The following SLC16A12 variants were observed in gnomAD, a reference collection of about 807,000 sequenced individuals.
SLC16A12 encodes the protein solute carrier family 16 member 12, also known as monocarboxylate transporter 12.
In SLC16A12, 17 loss-of-function variants were observed where a neutral mutation model predicts 42.4. That is an observed-to-expected ratio of 0.40 (90% CI 0.27 to 0.60). The LOEUF (loss-of-function observed/expected upper bound fraction) is 0.60. SLC16A12 is among the 20% of genes least tolerant of loss of function. The pLI, the probability that SLC16A12 is intolerant of heterozygous loss-of-function variation, is 0.42. For missense variants in SLC16A12, 544 were observed against 623.0 expected (o/e 0.87, Z 1.35); for synonymous variants, 224 against 229.4 (o/e 0.98, Z 0.21).
At chr10:89,554,036 GAAA>G (rs1843787533) in intron 2 of SLC16A12, among the ~76,000 whole-genome samples, 15 of 43,120 alleles carry the variant, frequency 3.5e-4, no homozygotes, top group African/African-American at 1.2e-3. Flanking sequence ...GAGAAAGGAA[GAAA>G]GAAAGAAAGA....
intron 3 of SLC16A12, among the ~76,000 whole-genome samples, chr10:89,460,703 C>G (rs1317687221): frequency 7.2e-6 from 1 of 138,960 alleles, no homozygotes; most frequent in African/African-American, 2.8e-5. Flanking sequence ...GGAGATCATG[C>G]TATTGCACTC....
chr10:89,540,163 G>A (rs945346098), upstream of SLC16A12, among the ~76,000 whole-genome samples: 1 of 151,296 alleles, frequency 6.6e-6, no homozygotes, highest in Non-Finnish European at 1.5e-5. Flanking sequence ...CAGTGGCATC[G>A]TCACAGTTCA....
chr10:89,465,901 T>C (rs957520625), intron 2 of SLC16A12, among the ~76,000 whole-genome samples: 1 of 152,196 alleles, frequency 6.6e-6, no homozygotes, highest in Non-Finnish European at 1.5e-5. Context: ...AATGTTTCCC[T>C]GTTCTTAAGA....
intron 2 of SLC16A12, among the ~76,000 whole-genome samples, chr10:89,486,557 A>T (rs1434110219): frequency 2.1e-5 from 3 of 145,460 alleles, no homozygotes; most frequent in Admixed American, 7.0e-5. Context: ...AAGCCACTGT[A>T]CTCCAGCCTA....
In SLC16A12 at chr10:89,432,434, C is replaced by A. The variant is rs1267716894; in HGVS notation, c.*630G>T. 6.6e-6 allele frequency: 1 copy of A among 152,126 alleles called. No homozygotes were observed. Among genetic ancestry groups the A allele is most frequent in the African/African-American group, 2.4e-5 (1 of 41,328 alleles). 9.4% of individuals were successfully genotyped at this position (152,126 alleles called of 1,614,324 possible). A position where few individuals can be genotyped will look rare whatever the true frequency, so the allele number is the denominator to read the frequency against. On this transcript the variant is annotated 3_prime_UTR_variant, in exon 8 of 8. Coordinates refer to ENST00000371790, the MANE Select transcript of SLC16A12 (RefSeq NM_213606.4). ...ATTTGGATTCTCATAGTGGTGTCTA[C>A]CCTTGGGCAGAGGCAAGGGCTGGCT... is the stretch of plus-strand genomic sequence containing the variant.
At chr10:89,455,665 AT>A (rs1842177507) in intron 3 of SLC16A12, among the ~76,000 whole-genome samples, 1 of 152,170 alleles carries the variant, frequency 6.6e-6, no homozygotes, top group Non-Finnish European at 1.5e-5. Context: ...TATTGGGAGC[AT>A]GTGTGCATCT....
chr10:89,550,015 G>C (rs972660987), intron 2 of SLC16A12, among the ~76,000 whole-genome samples: 4 of 152,028 alleles, frequency 2.6e-5, no homozygotes, highest in African/African-American at 9.7e-5. Flanking sequence ...CAAAAATCTA[G>C]GAGTCATCAC....
chr10:89,443,655 C>T, intron 4 of SLC16A12, 101 bp downstream of exon 4: 2 of 875,826 alleles, frequency 2.3e-6, no homozygotes, highest in Admixed American at 1.9e-5. Context: ...TAATGTAGCC[C>T]TTCTACTTAG....
rs562339516 is a variant in SLC16A12 at position 89,469,695 on chromosome 10, G to A, written c.-46-7071C>T. Among the ~76,000 whole-genome samples, 5 of 152,290 alleles carry A rather than the reference G, an allele frequency of 3.3e-5. No homozygotes were observed. In the South Asian group the frequency reaches 8.3e-4, roughly 25 times the overall value. On this transcript the variant is annotated intron_variant, in intron 2 of 7. Coordinates refer to ENST00000371790, the MANE Select transcript of SLC16A12 (RefSeq NM_213606.4). The stretch of plus-strand genomic sequence containing the variant: ...AGAGTATGATGGAAAAATACCAAGG[G>A]TGGGCATTTGGGCTGAGTCCCAGTG...
chr10:89,505,607 G>A (rs1030277007), intron 2 of SLC16A12, among the ~76,000 whole-genome samples: 3 of 152,170 alleles, frequency 2.0e-5, no homozygotes, highest in Non-Finnish European at 4.4e-5. Context: ...AGGGTGAGCC[G>A]AAGCAGAGTG....
chr10:89,555,579 G>GTA (rs1352207325), intron 2 of SLC16A12, among the ~76,000 whole-genome samples: 1 of 98,376 alleles, frequency 1.0e-5, no homozygotes, highest in Non-Finnish European at 2.1e-5. Context: ...ATATGTATAT[G>GTA]TATATATGTA....
chr10:89,495,296 G>T (rs1842908628), intron 2 of SLC16A12, among the ~76,000 whole-genome samples: 1 of 152,090 alleles, frequency 6.6e-6, no homozygotes, highest in African/African-American at 2.4e-5. Flanking sequence ...GGAGGTTGCA[G>T]TAAGCCGAGA....
chr10:89,458,801 T>C (rs1441018678), intron 3 of SLC16A12, among the ~76,000 whole-genome samples: 1 of 152,198 alleles, frequency 6.6e-6, no homozygotes, highest in Non-Finnish European at 1.5e-5. Context: ...TTTCAAAGCA[T>C]AGAAAGAATC....
At chr10:89,523,670 A>T (rs1273968821) in intron 2 of SLC16A12, among the ~76,000 whole-genome samples, 1 of 152,180 alleles carries the variant, frequency 6.6e-6, no homozygotes, top group Non-Finnish European at 1.5e-5. Flanking sequence ...TTCAACAAGC[A>T]TATTAAACTC....
chr10:89,490,219 T>G (rs777051690), intron 2 of SLC16A12, among the ~76,000 whole-genome samples: 41 of 152,336 alleles, frequency 2.7e-4, no homozygotes, highest in Middle Eastern at 3.4e-3. Flanking sequence ...TGCAATCAAA[T>G]CTCAGAACTT....
At chr10:89,467,671 A>G (rs944341456) in intron 2 of SLC16A12, among the ~76,000 whole-genome samples, 1 of 152,222 alleles carries the variant, frequency 6.6e-6, no homozygotes, top group African/African-American at 2.4e-5. Flanking sequence ...ATTGTCACAA[A>G]GAGTAGGAAG....
intron 2 of SLC16A12, among the ~76,000 whole-genome samples, chr10:89,474,647 T>A (rs2133774675): frequency 6.6e-6 from 1 of 152,210 alleles, no homozygotes; most frequent in African/African-American, 2.4e-5. Context: ...GTGGCATTCA[T>A]GTCACGGAGG....
intron 2 of SLC16A12, among the ~76,000 whole-genome samples, chr10:89,464,937 A>G (rs2133753237): frequency 6.6e-6 from 1 of 152,358 alleles, no homozygotes. Flanking sequence ...TATCAAAAGT[A>G]TTGGGAGACC....
chr10:89,474,816 T>G (rs1422882002), intron 2 of SLC16A12, among the ~76,000 whole-genome samples: 1 of 152,230 alleles, frequency 6.6e-6, no homozygotes, highest in Non-Finnish European at 1.5e-5. Flanking sequence ...ATCTTCATCT[T>G]GACCCTGTGA....
Sources: allele counts gnomAD v4.1 joint callset (sites outside exome capture counted in the v4.1 genomes callset), GRCh38; gene constraint gnomAD v4.1.1; transcripts MANE v1.5; gene names NCBI Gene and HGNC (gene_info 2026-07-23, HGNC 2026-07-21).